The following VPS13A variants were observed in gnomAD, a reference collection of about 807,000 sequenced individuals.
The protein encoded by VPS13A is intermembrane lipid transfer protein VPS13A.
A neutral mutation model predicts 390.9 loss-of-function variants in VPS13A; 264 were observed. That is an observed-to-expected ratio of 0.68 (90% CI 0.61 to 0.75). The LOEUF (loss-of-function observed/expected upper bound fraction) is 0.75. Among genes scored for constraint, VPS13A ranks in the 30% least tolerant of loss-of-function variants. The pLI is 0.00. For synonymous variants in VPS13A, 1,231 were observed against 1,227.1 expected (o/e 1.00, Z -0.07); for missense variants, 3,409 against 3,733.9 (o/e 0.91, Z 2.27).
At chr9:77,232,237 C>T (rs1219313242) in intron 17 of VPS13A, among the ~76,000 whole-genome samples, 1 of 152,128 alleles carries the variant, frequency 6.6e-6, no homozygotes, top group Non-Finnish European at 1.5e-5. Context: ...AATGTTTTAG[C>T]TGTTCAAGGG....
At chr9:77,300,502 A>G (rs1165928952) in intron 33 of VPS13A, among the ~76,000 whole-genome samples, 2 of 152,186 alleles carry the variant, frequency 1.3e-5, no homozygotes, top group Non-Finnish European at 2.9e-5. Flanking sequence ...GAGGTTGAGG[A>G]TGGCAGATTG....
chr9:77,209,124 T>A lies in VPS13A; in HGVS notation c.386-299T>A, dbSNP rs568378237. Among the ~76,000 whole-genome samples, 278 of 152,338 alleles carry A rather than the reference T, an allele frequency of 1.8e-3. 1 individual carries two copies. Among genetic ancestry groups the A allele is most frequent in the African/African-American group, 6.2e-3 (256 of 41,564 alleles). ...TTCTCATTTAAGTCTATTGTAATTCTTACCCAATAATCTTCATTTTTAAAT... is the reference window on the plus strand; with the variant it reads ...TTCTCATTTAAGTCTATTGTAATTCATACCCAATAATCTTCATTTTTAAAT... On this transcript the variant is annotated intron_variant, in intron 5 of 71. Coordinates refer to ENST00000360280, the MANE Select transcript of VPS13A (RefSeq NM_033305.3).
At chr9:77,379,770 A>G (rs1554676105) in intron 67 of VPS13A, among the ~76,000 whole-genome samples, 1 of 152,274 alleles carries the variant, frequency 6.6e-6, no homozygotes, top group Non-Finnish European at 1.5e-5. Context: ...ATGACCTAAT[A>G]GATAGCTAAT....
intron 22 of VPS13A, among the ~76,000 whole-genome samples, chr9:77,252,942 T>C (rs560028413): frequency 6.6e-6 from 1 of 152,356 alleles, no homozygotes; most frequent in African/African-American, 2.4e-5. Context: ...ATAATGCTGC[T>C]GTGTACAAAT....
chr9:77,190,007 A>G (rs1364135730), intron 1 of VPS13A, among the ~76,000 whole-genome samples: 1 of 152,192 alleles, frequency 6.6e-6, no homozygotes, highest in Admixed American at 6.6e-5. Context: ...GGCAGAGACT[A>G]TGGAGTTTTC....
intron 34 of VPS13A, 122 bp downstream of exon 34, chr9:77,303,184 A>C: frequency 9.9e-7 from 1 of 1,008,112 alleles, no homozygotes; most frequent in Non-Finnish European, 1.5e-6. Context: ...GAATTGAAAT[A>C]GTGATTATAT....
At chr9:77,234,939 C>G (rs1256227977) in intron 17 of VPS13A, among the ~76,000 whole-genome samples, 1 of 152,150 alleles carries the variant, frequency 6.6e-6, no homozygotes, top group African/African-American at 2.4e-5. Flanking sequence ...AAACTCTACT[C>G]TTATGCAGCT....
chr9:77,284,551 C>A (rs1827224806), intron 31 of VPS13A, among the ~76,000 whole-genome samples: 2 of 152,050 alleles, frequency 1.3e-5, no homozygotes, highest in African/African-American at 4.8e-5. Context: ...TTTTAAAAAT[C>A]ATAAGTATCA....
chr9:77,188,124 T>C (rs897335749), intron 1 of VPS13A, among the ~76,000 whole-genome samples: 12 of 152,184 alleles, frequency 7.9e-5, no homozygotes, highest in Non-Finnish European at 2.9e-5. Flanking sequence ...GCTCCTGCTG[T>C]GACCATGTGA....
rs535704322 is a variant in VPS13A, at chr9:77,197,307, C to T, written c.101-2638C>T. Among the ~76,000 whole-genome samples the T allele has an allele frequency of 7.5e-4, 114 of 152,178 alleles. 1 individual carries two copies. The highest frequency in any genetic ancestry group is 6.4e-3 in the South Asian group (31 of 4,820). ...GTCAATAGTATTAAGTCCTATATTT[C>T]CTTATTAATCTTCTGTGTGGTTGTT... On this transcript the variant is annotated intron_variant, in intron 1 of 71. Transcript: ENST00000360280.
chr9:77,227,521 T>C, intron 16 of VPS13A, 36 bp downstream of exon 16: 1 of 1,407,350 alleles, frequency 7.1e-7, no homozygotes, highest in Non-Finnish European at 9.9e-7. Context: ...TTAGAATATA[T>C]TTATTTATTT....
chr9:77,247,473 C>T (rs1462699966), intron 20 of VPS13A, 78 bp downstream of exon 20: 1 of 1,421,074 alleles, frequency 7.0e-7, no homozygotes, highest in Admixed American at 2.2e-5. Context: ...GTTTTTTAAA[C>T]AGTTTGATTT....
intron 67 of VPS13A, 49 bp from the exon 68 acceptor site, chr9:77,381,927 C>A: frequency 1.6e-6 from 2 of 1,237,222 alleles, no homozygotes; most frequent in Non-Finnish European, 2.3e-6. Context: ...AGTTTATTTA[C>A]AAGTTTTTGA....
chr9:77,361,440 A>G (rs779666352), intron 59 of VPS13A, among the ~76,000 whole-genome samples: 7 of 152,080 alleles, frequency 4.6e-5, no homozygotes, highest in African/African-American at 7.2e-5. Context: ...TGGTTAAGTG[A>G]TATTCCATTA....
At chr9:77,189,614 A>C (rs1253033764) in intron 1 of VPS13A, among the ~76,000 whole-genome samples, 2 of 152,176 alleles carry the variant, frequency 1.3e-5, no homozygotes, top group Non-Finnish European at 2.9e-5. Flanking sequence ...TGAATTTTAA[A>C]ATAGTTTTTT....
At chr9:77,204,118 A>C (rs1486999560) in intron 3 of VPS13A, among the ~76,000 whole-genome samples, 1 of 152,220 alleles carries the variant, frequency 6.6e-6, no homozygotes, top group Non-Finnish European at 1.5e-5. Context: ...TTTTCTACAC[A>C]TGGAGTTTAT....
intron 3 of VPS13A, among the ~76,000 whole-genome samples, chr9:77,204,081 T>C (rs897010160): frequency 2.0e-5 from 3 of 152,196 alleles, no homozygotes; most frequent in African/African-American, 7.2e-5. Flanking sequence ...TGATATTATA[T>C]GATGAAATCT....
At position 77,323,057 on chromosome 9, in the gene VPS13A, CTTAA is replaced by C. The variant is rs2131454504; in HGVS notation, c.5831-7_5831-4del. 6.2e-7 allele frequency: 1 copy of C among 1,602,130 alleles called. No homozygotes were observed. The highest frequency in any genetic ancestry group is 8.5e-7 in the Non-Finnish European group (1 of 1,171,654). Reference sequence around the variant, plus strand: ...TAATAAAAACTTTTAAACATACTTACTTAATTTAGCACCTGTTAACCATTCTACT... The same window carrying C: ...TAATAAAAACTTTTAAACATACTTACTTTAGCACCTGTTAACCATTCTACT... On this transcript the variant is annotated splice_polypyrimidine_tract_variant and splice_region_variant and intron_variant, in intron 44 of 71. Coordinates refer to ENST00000360280, the MANE Select transcript of VPS13A (RefSeq NM_033305.3).
At chr9:77,367,320 A>C (rs1367871945) in intron 61 of VPS13A, among the ~76,000 whole-genome samples, 1 of 152,234 alleles carries the variant, frequency 6.6e-6, no homozygotes, top group Non-Finnish European at 1.5e-5. Context: ...AATATGAGTC[A>C]TAATGAAGCT....
Sources: gnomAD v4.1 joint callset for allele counts (sites outside exome capture counted in the v4.1 genomes callset) on GRCh38, gnomAD v4.1.1 for gene constraint, MANE v1.5 for transcripts, NCBI Gene and HGNC (gene_info 2026-07-23, HGNC 2026-07-21) for gene names.